NAA15: variants seen among roughly 807,000 people sequenced by gnomAD.
NAA15 encodes the protein N-alpha-acetyltransferase 15, NatA auxiliary subunit, also known as N-terminal acetyltransferase.
NAA15 carries 34 observed loss-of-function variants against 114.0 expected under a neutral mutation model. The observed-to-expected ratio is 0.30, with a 90% confidence interval of 0.23 to 0.40. The LOEUF (loss-of-function observed/expected upper bound fraction) is 0.40, where lower values mean the gene tolerates loss of function less well. Ranked by LOEUF, NAA15 falls within the 10% of genes least tolerant of loss-of-function variation. The pLI, the probability that NAA15 is intolerant of heterozygous loss-of-function variation, is 1.00. For synonymous variants in NAA15, 340 were observed against 338.0 expected (o/e 1.01, Z -0.06); for missense variants, 658 against 1,004.5 (o/e 0.66, Z 4.66).
rs1321768799 is a variant in NAA15, at chr4:139,370,278, G to A, written c.1821G>A (p.Gln607=). The change falls in exon 15 of 20, where the codon CAG becomes CAA. Residue 607 remains glutamine (Q), a synonymous_variant. Transcript: ENST00000296543. Reference sequence around the variant, plus strand: ...AAAGAAGAGCTCAAAAGAAAGCCCAGATAGAAGAAGAGAAAAAAAATGCAG... The same window carrying A: ...AAAGAAGAGCTCAAAAGAAAGCCCAAATAGAAGAAGAGAAAAAAAATGCAG... The part of the protein sequence containing the change: ...NKQRRAQKKA[Q]IEEEKKNAEK... The A allele has an allele frequency of 6.3e-7, 1 of 1,587,976 alleles. No homozygotes were observed. The highest frequency in any genetic ancestry group is 8.6e-7 in the Non-Finnish European group (1 of 1,168,272).
intron 1 of NAA15, among the ~76,000 whole-genome samples, chr4:139,327,558 C>T (rs1356539755): frequency 6.6e-6 from 1 of 152,162 alleles, no homozygotes; most frequent in East Asian, 1.9e-4. Flanking sequence ...CCAGCCTGAC[C>T]AGTAAATCTT....
intron 14 of NAA15, among the ~76,000 whole-genome samples, chr4:139,363,237 A>G (rs901417905): frequency 1.3e-5 from 2 of 152,210 alleles, no homozygotes; most frequent in African/African-American, 4.8e-5. Flanking sequence ...TTCAAATTAT[A>G]CAAATAATAC....
intron 1 of NAA15, 187 bp downstream of exon 1, chr4:139,302,018 A>T (rs895965873): frequency 5.6e-6 from 3 of 531,974 alleles, no homozygotes; most frequent in Non-Finnish European, 6.3e-6. Context: ...CGCGCCAGGG[A>T]CCACAGGCTT....
intron 17 of NAA15, 141 bp from the exon 18 acceptor site, chr4:139,384,691 G>A: frequency 2.2e-6 from 1 of 460,688 alleles, no homozygotes; most frequent in Non-Finnish European, 3.6e-6. Flanking sequence ...GAAGGTTGAG[G>A]CTACAGTGAG....
In NAA15 at chr4:139,301,673, C is replaced by A; in HGVS notation, c.-105C>A. The A allele has an allele frequency of 7.6e-7, 1 of 1,317,234 alleles. No individual in the cohort carries two copies. Among genetic ancestry groups the A allele is most frequent in the South Asian group, 1.4e-5 (1 of 73,320 alleles). 81.6% of individuals were successfully genotyped at this position (1,317,234 alleles called of 1,614,324 possible). On this transcript the variant is annotated 5_prime_UTR_variant, in exon 1 of 20. Transcript: ENST00000296543. ...CCGAGGCCTGGTGGTGGCGGCGGAT[C>A]GAGATATTCAAGGCTGAAGCAGCTA...
chr4:139,356,639 A>T (rs1450764183), intron 10 of NAA15: 2 of 152,086 alleles, frequency 1.3e-5, no homozygotes, highest in African/African-American at 2.4e-5. Context: ...ACTAGGAAAA[A>T]TTTTTTAAAA....
intron 14 of NAA15, among the ~76,000 whole-genome samples, chr4:139,365,969 C>G (rs1157964249): frequency 2.6e-5 from 4 of 151,740 alleles, no homozygotes; most frequent in African/African-American, 4.8e-5. Context: ...ATGTTGCCAT[C>G]CATTTATAGT....
chr4:139,372,196 G>A lies in NAA15; in HGVS notation c.1947+1792G>A, dbSNP rs553409375. Among the ~76,000 whole-genome samples, 32 of 152,312 alleles carry A rather than the reference G, an allele frequency of 2.1e-4. No individual in the cohort carries two copies. In the East Asian group the frequency reaches 3.3e-3, roughly 16 times the overall value. ...CTCCCAAAGTGCTGGGATTACAGGC[G>A]TGAGCCACTGCGCCTGGCCCATGTA... is the stretch of plus-strand genomic sequence containing the variant. On this transcript the variant is annotated intron_variant, in intron 15 of 19. Coordinates refer to ENST00000296543, the MANE Select transcript of NAA15 (RefSeq NM_057175.5).
chr4:139,362,928 A>T (rs1460868163), intron 14 of NAA15, among the ~76,000 whole-genome samples: 3 of 152,160 alleles, frequency 2.0e-5, no homozygotes, highest in Non-Finnish European at 4.4e-5. Context: ...TTTTGAGGAT[A>T]TGATTGGCTA....
intron 1 of NAA15, among the ~76,000 whole-genome samples, chr4:139,304,091 G>A (rs1052048738): frequency 1.3e-5 from 2 of 152,064 alleles, no homozygotes; most frequent in African/African-American, 4.8e-5. Context: ...CTAATTTTTT[G>A]TATTTTTTAG....
At chr4:139,370,857 G>C (rs1367088158) in intron 15 of NAA15, among the ~76,000 whole-genome samples, 3 of 152,152 alleles carry the variant, frequency 2.0e-5, no homozygotes, top group African/African-American at 7.2e-5. Context: ...GCTAAATTGA[G>C]TTTGTTATAA....
chr4:139,387,421 A>G (rs1383609046), intron 19 of NAA15, among the ~76,000 whole-genome samples: 1 of 152,214 alleles, frequency 6.6e-6, no homozygotes, highest in African/African-American at 2.4e-5. Context: ...TTTAATTTGA[A>G]CACAATGTTG....
At position 139,344,189 on chromosome 4, in the gene NAA15, T is replaced by C. The variant is rs1310466192; in HGVS notation, c.541T>C (p.Ser181Pro). The change falls in exon 6 of 20, where the codon TCC becomes CCC. Residue 181 changes from serine (S) to proline (P), a missense_variant. Physicochemically the swap from Ser to Pro is moderately conservative, Grantham distance 74. Coordinates refer to ENST00000296543, the MANE Select transcript of NAA15 (RefSeq NM_057175.5). Reference sequence around the variant, plus strand: ...TATTCCTTATATCCATATACAGACATCCCCTGACAAGGTGGATTATGAATA... The same window carrying C: ...TATTCCTTATATCCATATACAGACACCCCCTGACAAGGTGGATTATGAATA... ...LEEFRKTQQT[S>P]PDKVDYEYSE... 1 of 1,607,178 alleles carries C rather than the reference T, an allele frequency of 6.2e-7. No homozygotes were observed. The highest frequency in any genetic ancestry group is 1.7e-5 in the Admixed American group (1 of 58,956).
chr4:139,321,089 A>G (rs896920209), intron 1 of NAA15, among the ~76,000 whole-genome samples: 1 of 151,548 alleles, frequency 6.6e-6, no homozygotes, highest in East Asian at 1.9e-4. Flanking sequence ...TGATTTCACA[A>G]ATTTCTTCTG....
chr4:139,366,600 TG>T (rs1406863648), intron 14 of NAA15, among the ~76,000 whole-genome samples: 4 of 148,098 alleles, frequency 2.7e-5, no homozygotes, highest in African/African-American at 9.8e-5. Context: ...TTATCATTTT[TG>T]GGTTTTTTTT....
intron 11 of NAA15, among the ~76,000 whole-genome samples, chr4:139,359,309 G>A (rs1280006610): frequency 6.6e-6 from 1 of 151,882 alleles, no homozygotes; most frequent in African/African-American, 2.4e-5. Flanking sequence ...TGTATTTTTA[G>A]TAGAGATGGG....
At chr4:139,353,044 A>G (rs1301667000) in intron 9 of NAA15, among the ~76,000 whole-genome samples, 1 of 152,150 alleles carries the variant, frequency 6.6e-6, no homozygotes, top group African/African-American at 2.4e-5. Context: ...ATAGAATCCT[A>G]TATTTTTATG....
intron 15 of NAA15, among the ~76,000 whole-genome samples, chr4:139,372,815 T>C (rs1309831262): frequency 1.3e-5 from 2 of 151,948 alleles, no homozygotes; most frequent in Non-Finnish European, 2.9e-5. Context: ...CAGGATAATA[T>C]TCAGTCATGT....
chr4:139,382,916 T>C (rs1366842773), intron 17 of NAA15, among the ~76,000 whole-genome samples: 15 of 152,168 alleles, frequency 9.9e-5, no homozygotes, highest in Admixed American at 9.8e-4. Flanking sequence ...TAAACTTAGA[T>C]TAATGATCCA....
Sources: allele counts gnomAD v4.1 joint callset (sites outside exome capture counted in the v4.1 genomes callset), GRCh38; gene constraint gnomAD v4.1.1; transcripts MANE v1.5; gene names NCBI Gene and HGNC (gene_info 2026-07-23, HGNC 2026-07-21).